Variants in KDM4C observed in about 807,000 individuals in gnomAD.
KDM4C encodes the protein lysine demethylase 4C, also known as lysine-specific demethylase 4C.
A neutral mutation model predicts 129.3 loss-of-function variants in KDM4C; 81 were observed. The ratio of observed to expected loss-of-function variants is 0.63; its 90% CI spans 0.52 to 0.75. KDM4C has a LOEUF of 0.75. Among genes scored for constraint, KDM4C ranks in the 30% least tolerant of loss-of-function variants. The pLI is 0.00. For missense variants in KDM4C, 1,457 were observed against 1,304.0 expected (o/e 1.12, Z -1.81); for synonymous variants, 573 against 456.1 (o/e 1.26, Z -3.26).
intron 8 of KDM4C, among the ~76,000 whole-genome samples, chr9:6,932,895 A>T (rs925493200): frequency 1.3e-5 from 2 of 152,242 alleles, no homozygotes; most frequent in Non-Finnish European, 1.5e-5. Flanking sequence ...AATCATGTAG[A>T]GATTGAGGAA....
chr9:7,072,565 A>G (rs376281707), intron 17 of KDM4C, among the ~76,000 whole-genome samples: 1 of 152,150 alleles, frequency 6.6e-6, no homozygotes, highest in Non-Finnish European at 1.5e-5. Flanking sequence ...ACATTCTGTA[A>G]AAGCAAAACA....
At chr9:6,962,965 C>T (rs1830277267) in intron 8 of KDM4C, among the ~76,000 whole-genome samples, 1 of 152,130 alleles carries the variant, frequency 6.6e-6, no homozygotes, top group African/African-American at 2.4e-5. Flanking sequence ...TGTTTATGGA[C>T]ATGATATAGT....
At chr9:6,971,214 C>CT (rs767319167) in intron 8 of KDM4C, among the ~76,000 whole-genome samples, 28 of 151,680 alleles carry the variant, frequency 1.8e-4, no homozygotes, top group East Asian at 7.7e-4. Context: ...AAATGTGGAG[C>CT]TTTTTTTTGG....
At chr9:6,993,187 G>A (rs1819061324) in intron 12 of KDM4C, among the ~76,000 whole-genome samples, 1 of 152,144 alleles carries the variant, frequency 6.6e-6, no homozygotes, top group Non-Finnish European at 1.5e-5. Context: ...GTGGAGAAGA[G>A]GGGGCTATGT....
Position 7,165,317 on chromosome 9 carries a change from G to A in KDM4C, c.2861G>A (p.Gly954Glu). Residue 954 changes from glycine to glutamate, a missense_variant, in exon 20 of 22, where the codon GGA (glycine) becomes GAA (glutamate). By Grantham distance (98) the Gly-to-Glu change is moderately conservative. Coordinates refer to ENST00000381309, the MANE Select transcript of KDM4C (RefSeq NM_015061.6). ...AAGTGGCCCGATGGCAAACTCTATG[G>A]AGCAAAATATTTTGGATCAAATATT... ...QVKWPDGKLY[G>E]AKYFGSNIAH... The A allele has an allele frequency of 6.2e-7, 1 of 1,614,182 alleles. No homozygotes were observed. Among genetic ancestry groups the A allele is most frequent in the East Asian group, 2.2e-5 (1 of 44,878 alleles).
At chr9:6,904,883 A>G (rs1818033212) in intron 8 of KDM4C, among the ~76,000 whole-genome samples, 1 of 152,192 alleles carries the variant, frequency 6.6e-6, no homozygotes, top group Non-Finnish European at 1.5e-5. Context: ...TTAAACTGGG[A>G]ATAACACAAA....
At chr9:7,124,752 A>G (rs1399779631) in intron 18 of KDM4C, among the ~76,000 whole-genome samples, 1 of 152,198 alleles carries the variant, frequency 6.6e-6, no homozygotes, top group Non-Finnish European at 1.5e-5. Flanking sequence ...CTAAAGGTAC[A>G]GAAAATTTTC....
At chr9:7,013,646 C>G (rs1036117064) in intron 13 of KDM4C, 142 bp from the exon 14 acceptor site, 3 of 698,722 alleles carry the variant, frequency 4.3e-6, no homozygotes, top group Non-Finnish European at 7.0e-6. Flanking sequence ...TTAAAAAAAA[C>G]TAGTAGTTTG....
intron 3 of KDM4C, among the ~76,000 whole-genome samples, chr9:6,808,749 T>TA (rs1314933457): frequency 8.3e-5 from 12 of 144,814 alleles, no homozygotes; most frequent in Non-Finnish European, 1.5e-4. Flanking sequence ...TTCTGTTTGT[T>TA]ACAAGCCAGT....
At chr9:6,793,486 C>G (rs1235878914) in intron 2 of KDM4C, among the ~76,000 whole-genome samples, 1 of 151,568 alleles carries the variant, frequency 6.6e-6, no homozygotes. Flanking sequence ...AGGTTAACCA[C>G]AATTTCTCTC....
At chr9:6,850,079 G>A (rs1207429659) in intron 5 of KDM4C, among the ~76,000 whole-genome samples, 1 of 152,182 alleles carries the variant, frequency 6.6e-6, no homozygotes, top group Non-Finnish European at 1.5e-5. Context: ...GTTCAGTACA[G>A]GTTTGTAGCC....
At chr9:6,982,047 A>G (rs1816853474) in intron 9 of KDM4C, 1 of 152,284 alleles carries the variant, frequency 6.6e-6, no homozygotes, top group Non-Finnish European at 1.5e-5. Flanking sequence ...TAATAATCTG[A>G]CAATCAGTTT....
rs530160798 is a variant in KDM4C, at chr9:6,960,843, A to G, written c.922-20082A>G. 9.0e-5 allele frequency among the ~76,000 whole-genome samples: 11 copies of G among 121,786 alleles called. No homozygotes were observed. The East Asian group carries it at 1.2e-3, about 13-fold the overall frequency. 79.9% of individuals were successfully genotyped at this position (121,786 alleles called of 152,430 possible). ...TTAGAAATGCCTTCAGGCATTCTCA[A>G]ATATCCCCTAGGAAGCAAAAATCAC... On this transcript the variant is annotated intron_variant, in intron 8 of 21. Transcript: ENST00000381309.
chr9:6,821,335 C>A (rs890253143), intron 4 of KDM4C, among the ~76,000 whole-genome samples: 1 of 152,208 alleles, frequency 6.6e-6, no homozygotes, highest in Non-Finnish European at 1.5e-5. Context: ...ACGCTCCCAC[C>A]AACAGTGTAA....
chr9:6,831,563 G>A (rs1200449837), intron 4 of KDM4C, among the ~76,000 whole-genome samples: 1 of 151,996 alleles, frequency 6.6e-6, no homozygotes, highest in Non-Finnish European at 1.5e-5. Context: ...GGCTGGTCTC[G>A]AACTGCTGAC....
At chr9:6,936,162 TAAAC>T (rs1337844189) in intron 8 of KDM4C, among the ~76,000 whole-genome samples, 21 of 152,180 alleles carry the variant, frequency 1.4e-4, no homozygotes. Flanking sequence ...AAAAATTCCA[TAAAC>T]AAACAATATA....
chr9:6,995,941 T>C (rs931619684), intron 12 of KDM4C, among the ~76,000 whole-genome samples: 1 of 152,226 alleles, frequency 6.6e-6, no homozygotes, highest in Admixed American at 6.5e-5. Context: ...GTGCTGGGAT[T>C]ACAGGCGTGA....
chr9:6,816,679 A>G (rs1038600649), intron 4 of KDM4C, among the ~76,000 whole-genome samples: 6 of 152,132 alleles, frequency 3.9e-5, no homozygotes, highest in African/African-American at 1.2e-4. Context: ...CATCCTCCCT[A>G]ACACTCGATA....
At chr9:6,756,364 C>T (rs1234025017), upstream of KDM4C, among the ~76,000 whole-genome samples, 2 of 152,188 alleles carry the variant, frequency 1.3e-5, no homozygotes, top group Admixed American at 6.5e-5. Context: ...TGGTTGGGAT[C>T]CTGACGTTAC....
Sources: gnomAD v4.1 joint callset for allele counts (sites outside exome capture counted in the v4.1 genomes callset) on GRCh38, gnomAD v4.1.1 for gene constraint, MANE v1.5 for transcripts, NCBI Gene and HGNC (gene_info 2026-07-23, HGNC 2026-07-21) for gene names.